LGALS8: variants seen among roughly 807,000 people sequenced by gnomAD.
LGALS8 encodes the protein galectin 8.
LGALS8 carries 30 observed loss-of-function variants against 35.9 expected under a neutral mutation model. The observed-to-expected ratio is 0.83, with a 90% CI of 0.62 to 1.13. The LOEUF is 1.13. Among genes scored for constraint, LGALS8 ranks in the 50% most tolerant of loss-of-function variants. LGALS8 has a pLI of 0.00. For synonymous variants in LGALS8, 138 were observed against 136.1 expected, an observed-to-expected ratio of 1.01 and a Z score of -0.10; for missense variants, 366 against 388.7, an observed-to-expected ratio of 0.94 and a Z score of 0.49.
Position 236,548,644 on chromosome 1 carries a change from T to C in LGALS8, c.*483T>C, listed in dbSNP as rs140330290. On this transcript the variant is annotated 3_prime_UTR_variant, in exon 10 of 10. Transcript: ENST00000366584. ...TCAACTCCTAAGGGGTCCTCTGGGATTAGTTATGCAGATATTAAATCACCC... is the reference window on the plus strand; with the variant it reads ...TCAACTCCTAAGGGGTCCTCTGGGACTAGTTATGCAGATATTAAATCACCC... 880 of 327,004 alleles carry C rather than the reference T, an allele frequency of 2.7e-3. 5 individuals are homozygous for C. Among genetic ancestry groups the C allele is most frequent in the African/African-American group, 0.016 (741 of 47,388 alleles). 20.3% of individuals were successfully genotyped at this position (327,004 alleles called of 1,614,324 possible).
At chr1:236,546,913 C>T (rs1162216740) in intron 9 of LGALS8, among the ~76,000 whole-genome samples, 3 of 142,320 alleles carry the variant, frequency 2.1e-5, no homozygotes, top group Non-Finnish European at 4.7e-5. Context: ...CCTCTGTAGC[C>T]ACAGAAGCTT....
chr1:236,543,036 C>T (rs1662114239), intron 7 of LGALS8: 2 of 1,613,902 alleles, frequency 1.2e-6, no homozygotes, highest in South Asian at 1.1e-5. Flanking sequence ...AACTATGTGT[C>T]AAAGGTTTGA....
intron 4 of LGALS8, chr1:236,540,312 A>G: frequency 2.4e-6 from 1 of 417,306 alleles, no homozygotes; most frequent in East Asian, 4.1e-5. Flanking sequence ...ACACGCACAT[A>G]TACTTATGAC....
Position 236,548,239 on chromosome 1 carries a change from T to TGTCA in LGALS8, c.*79_*82dup, listed in dbSNP as rs1662533459. The TGTCA allele has an allele frequency of 8.0e-7, 1 of 1,251,084 alleles. No homozygotes were observed. The highest frequency in any genetic ancestry group is 1.1e-6 in the Non-Finnish European group (1 of 881,814). 77.5% of individuals were successfully genotyped at this position (1,251,084 alleles called of 1,614,324 possible). A position where few individuals can be genotyped will look rare whatever the true frequency, so the allele number is the denominator to read the frequency against. Reference sequence around the variant, plus strand: ...CTGGCCTTGCTGAAACGCATCTCACTGTCATTCTATTGTTTATATTGTTAA... The same window carrying TGTCA: ...CTGGCCTTGCTGAAACGCATCTCACTGTCAGTCATTCTATTGTTTATATTGTTAA... On this transcript the variant is annotated 3_prime_UTR_variant, in exon 10 of 10. Coordinates refer to ENST00000366584, the MANE Select transcript of LGALS8 (RefSeq NM_201544.4).
At chr1:236,536,678 T>G (rs1661527741) in intron 2 of LGALS8, 1 of 152,558 alleles carries the variant, frequency 6.6e-6, no homozygotes, top group East Asian at 1.9e-4. Flanking sequence ...GAGCAGGCCC[T>G]GGAATCCCAG....
intron 5 of LGALS8, among the ~76,000 whole-genome samples, chr1:236,541,019 G>A (rs1661956409): frequency 6.6e-6 from 1 of 152,218 alleles, no homozygotes; most frequent in South Asian, 2.1e-4. Flanking sequence ...GCACAGTCAT[G>A]TGTTGCATAA....
chr1:236,548,214 C>T lies in LGALS8; in HGVS notation c.*53C>T, dbSNP rs542446617. The T allele has an allele frequency of 3.1e-5, 46 of 1,493,514 alleles. No homozygotes were observed. In the South Asian group the frequency reaches 4.8e-4, roughly 16 times the overall value. 92.5% of individuals were successfully genotyped at this position (1,493,514 alleles called of 1,614,324 possible). A position where few individuals can be genotyped will look rare whatever the true frequency, so the allele number is the denominator to read the frequency against. ...AAAATACAGAATGGCTTCTGTGATA[C>T]TGGCCTTGCTGAAACGCATCTCACT... On this transcript the variant is annotated 3_prime_UTR_variant, in exon 10 of 10. Transcript: ENST00000366584.
In LGALS8 at chr1:236,544,861, A is replaced by C. The variant is rs987772644; in HGVS notation, c.750A>C (p.Gly250=). ...VRNSFLQESW[G]EEERNITSFP... ...ATTCTTTTCTTCAGGAGTCCTGGGG[A>C]GAAGAAGAGAGAAATATTACCTCTT... is the stretch of plus-strand genomic sequence containing the variant. Residue 250 remains glycine (G), a synonymous_variant, in exon 9 of 10, where the codon GGA becomes GGC. Transcript: ENST00000366584. 1.9e-6 allele frequency: 3 copies of C among 1,613,562 alleles called. No homozygotes were observed. Among genetic ancestry groups the C allele is most frequent in the Admixed American group, 3.3e-5 (2 of 59,972 alleles).
At chr1:236,528,712 T>A (rs566056789) in intron 2 of LGALS8, among the ~76,000 whole-genome samples, 4 of 152,020 alleles carry the variant, frequency 2.6e-5, no homozygotes, top group African/African-American at 7.2e-5. Context: ...TTTTGTATTT[T>A]TTTTGGTAAA....
upstream of LGALS8, among the ~76,000 whole-genome samples, chr1:236,518,958 T>C (rs1660477931): frequency 6.6e-6 from 1 of 152,198 alleles, no homozygotes; most frequent in Non-Finnish European, 1.5e-5. Context: ...ATCGATAGAA[T>C]ATGGCATCTA....
At chr1:236,540,310 A>T in intron 4 of LGALS8, 1 of 413,056 alleles carries the variant, frequency 2.4e-6, no homozygotes. Flanking sequence ...GCACACGCAC[A>T]TATACTTATG....
intron 6 of LGALS8, among the ~76,000 whole-genome samples, chr1:236,541,917 C>T (rs115350498): frequency 2.1e-3 from 314 of 152,310 alleles, no homozygotes; most frequent in African/African-American, 7.1e-3. Flanking sequence ...AACTGCCACT[C>T]ACTGTTCTTA....
At chr1:236,519,703 G>A (rs115016379), upstream of LGALS8, among the ~76,000 whole-genome samples, 1,017 of 152,166 alleles carry the variant, frequency 6.7e-3, 8 homozygotes, top group African/African-American at 0.023. Context: ...GTTCTTTGGG[G>A]GAAAAAGTTC....
intron 3 of LGALS8, 21 bp downstream of exon 3, chr1:236,537,606 G>T (rs1238111186): frequency 6.7e-7 from 1 of 1,489,666 alleles, no homozygotes; most frequent in Admixed American, 1.7e-5. Flanking sequence ...TGTGCTAAAG[G>T]AAGGAGCATG....
chr1:236,524,427 G>A (rs1193068828), intron 1 of LGALS8: 2 of 455,842 alleles, frequency 4.4e-6, no homozygotes, highest in African/African-American at 4.0e-5. Context: ...GAGGCCGAGC[G>A]CCACCTCCAA....
At chr1:236,543,718 G>T in intron 8 of LGALS8, 70 bp downstream of exon 8, 1 of 1,067,328 alleles carries the variant, frequency 9.4e-7, no homozygotes, top group Non-Finnish European at 1.5e-6. Context: ...ACCCGTGAAC[G>T]GTCCTGTGAG....
intron 3 of LGALS8, 124 bp from the exon 4 acceptor site, chr1:236,538,755 G>C (rs1196575026): frequency 5.8e-6 from 4 of 695,638 alleles, no homozygotes; most frequent in Non-Finnish European, 1.0e-5. Flanking sequence ...GCCTCATAGT[G>C]AATGAATGAG....
intron 2 of LGALS8, 147 bp from the exon 3 acceptor site, chr1:236,537,350 T>G: frequency 1.6e-6 from 1 of 629,026 alleles, no homozygotes; most frequent in Non-Finnish European, 2.8e-6. Flanking sequence ...ATAGGAAAGA[T>G]GACTTGGAAA....
Position 236,537,729 on chromosome 1 carries a change from G to T in LGALS8, c.134+144G>T, listed in dbSNP as rs1661638983. The T allele has an allele frequency of 6.3e-5, 43 of 681,814 alleles. 1 individual carries two copies. In the South Asian group the frequency reaches 6.9e-4, roughly 11 times the overall value. 42.2% of individuals were successfully genotyped at this position (681,814 alleles called of 1,614,324 possible). A position where few individuals can be genotyped will look rare whatever the true frequency, so the allele number is the denominator to read the frequency against. ...CAGCAGCCCTGGCCAAGGTGCTGAGGAGATTGGAATGAATGACTAAATAAA... is the reference window on the plus strand; with the variant it reads ...CAGCAGCCCTGGCCAAGGTGCTGAGTAGATTGGAATGAATGACTAAATAAA... On this transcript the variant is annotated intron_variant, in intron 3 of 9. Transcript: ENST00000366584.
Sources: allele counts gnomAD v4.1 joint callset (sites outside exome capture counted in the v4.1 genomes callset), GRCh38; gene constraint gnomAD v4.1.1; transcripts MANE v1.5; gene names NCBI Gene and HGNC (gene_info 2026-07-23, HGNC 2026-07-21).